Variants in MYH6 observed in about 807,000 individuals in gnomAD.
MYH6 encodes the protein myosin-6.
MYH6 carries 126 observed loss-of-function variants against 223.2 expected under a neutral mutation model. The observed-to-expected ratio is 0.56, with a 90% CI of 0.49 to 0.65. MYH6 has a LOEUF of 0.65. Ranked by LOEUF, MYH6 falls within the 30% of genes least tolerant of loss-of-function variation. MYH6 has a pLI of 0.00. For synonymous variants in MYH6, 978 were observed against 1,010.2 expected, an observed-to-expected ratio of 0.97 and a Z score of 0.61; for missense variants, 2,040 against 2,536.4, an observed-to-expected ratio of 0.80 and a Z score of 4.20.
rs773592924 is a variant in MYH6, at chr14:23,403,692, G to T, written c.799+23C>A. ...AAGGCAGAGGGGGACCTAGAGGGTG[G>T]CAGCCTCCCTGCTGGTACTCACAGG... On this transcript the variant is annotated intron_variant, in intron 9 of 38. Coordinates refer to ENST00000405093, the MANE Select transcript of MYH6 (RefSeq NM_002471.4). 4 of 1,604,678 alleles carry T rather than the reference G, an allele frequency of 2.5e-6. No individual in the cohort carries two copies. The Admixed American group carries it at 6.7e-5, about 27-fold the overall frequency.
At chr14:23,400,112 A>C in intron 14 of MYH6, 144 bp downstream of exon 14, 1 of 1,270,804 alleles carries the variant, frequency 7.9e-7, no homozygotes, top group East Asian at 2.5e-5. Flanking sequence ...GTTCATGCCC[A>C]TGACTTCACA....
chr14:23,396,998 G>T lies in MYH6; in HGVS notation c.2133C>A (p.Phe711Leu), dbSNP rs1891416861. 1.9e-6 allele frequency: 3 copies of T among 1,613,604 alleles called. No individual in the cohort carries two copies. Among genetic ancestry groups the T allele is most frequent in the African/African-American group, 2.7e-5 (2 of 75,030 alleles). ...AGTCCCCGTAGAGGATGCGGTTGGGGAAGCCCTTCCTGCAGATGCGGATGC... is the reference window on the plus strand; with the variant it reads ...AGTCCCCGTAGAGGATGCGGTTGGGTAAGCCCTTCCTGCAGATGCGGATGC... ...LEGIRICRKG[F>L]PNRILYGDFR... is the part of the protein sequence containing the mutation. Residue 711 changes from phenylalanine (F) to leucine (L), a missense_variant, in exon 18 of 39, where the codon TTC (phenylalanine) becomes TTA (leucine). Coordinates refer to ENST00000405093, the MANE Select transcript of MYH6 (RefSeq NM_002471.4).
intron 12 of MYH6, among the ~76,000 whole-genome samples, chr14:23,401,570 G>A (rs974690276): frequency 6.6e-6 from 1 of 152,228 alleles, no homozygotes; most frequent in Non-Finnish European, 1.5e-5. Flanking sequence ...TCTTTCACAA[G>A]CACTGCTGTG....
intron 30 of MYH6, 106 bp downstream of exon 30, chr14:23,388,049 C>T (rs1891091910): frequency 8.1e-6 from 13 of 1,595,896 alleles, no homozygotes; most frequent in East Asian, 2.2e-5. Flanking sequence ...CGAGCCTGGG[C>T]TTAGCCCTCC....
chr14:23,388,266 C>A lies in MYH6; in HGVS notation c.4248G>T (p.Leu1416=). ...VEAVNAKCSS[L]EKTKHRLQNE... ...TCTGTAGCCGGTGCTTGGTCTTCTC[C>A]AGTGAGGAGCACTTGGCATTAACAG... is the stretch of plus-strand genomic sequence containing the variant. Residue 1416 remains leucine, a synonymous_variant, in exon 30 of 39, where the codon CTG becomes CTT. Coordinates refer to ENST00000405093, the MANE Select transcript of MYH6 (RefSeq NM_002471.4). The A allele has an allele frequency of 6.2e-7, 1 of 1,613,118 alleles. No homozygotes were observed. The highest frequency in any genetic ancestry group is 1.7e-5 in the Admixed American group (1 of 60,030).
intron 15 of MYH6, among the ~76,000 whole-genome samples, chr14:23,397,956 T>TTCTTCC (rs1891467173): frequency 9.3e-6 from 1 of 106,956 alleles, no homozygotes; most frequent in South Asian, 3.6e-4. Context: ...CTTCTTCTTC[T>TTCTTCC]TCTTCTTCTT....
rs2138584230 is a variant in MYH6 at position 23,386,046 on chromosome 14, A to G, written c.5045T>C (p.Leu1682Pro). ...CAGCTCCTCCAGCTCAGCCTGCAGC[A>G]GGTTGTTGCGCCGCTCCACGATGGC... ...NIAIVERRNN[L>P]LQAELEELRA... Residue 1682 changes from leucine to proline, a missense_variant, in exon 34 of 39, where the codon CTG (leucine) becomes CCG (proline). Physicochemically the swap from Leu to Pro is moderately conservative, Grantham distance 98. Around this residue, in one of 4 missense-constraint regions of MYH6, gnomAD observed 1,203 missense variants for 1,400.2 expected, o/e 0.86. Coordinates refer to ENST00000405093, the MANE Select transcript of MYH6 (RefSeq NM_002471.4). The G allele has an allele frequency of 6.2e-7, 1 of 1,614,158 alleles. No individual in the cohort carries two copies. Among genetic ancestry groups the G allele is most frequent in the Non-Finnish European group, 8.5e-7 (1 of 1,180,018 alleles).
At position 23,405,528 on chromosome 14, in the gene MYH6, C is replaced by T. The variant is rs1891756910; in HGVS notation, c.345+99G>A. ...TGGAGGGGGGAAGGGGACTTGGGTC[C>T]CTTGGGAGTCTCTCCCCCTCTTCTT... is the stretch of plus-strand genomic sequence containing the variant. On this transcript the variant is annotated intron_variant, in intron 4 of 38. Coordinates refer to ENST00000405093, the MANE Select transcript of MYH6 (RefSeq NM_002471.4). This position sits in a 1 kb window ranked among gnomAD's most constrained non-coding sequence, Gnocchi z 4.7. The T allele has an allele frequency of 1.3e-5, 21 of 1,599,360 alleles. No individual in the cohort carries two copies. The highest frequency in any genetic ancestry group is 1.8e-4 in the Middle Eastern group (1 of 5,678).
rs138094708 is a variant in MYH6 at position 23,382,757 on chromosome 14, C to T, written c.5662-195G>A. Among the ~76,000 whole-genome samples the T allele has an allele frequency of 7.9e-3, 1,204 of 152,310 alleles. 6 individuals are homozygous for T. Among genetic ancestry groups the T allele is most frequent in the Non-Finnish European group, 8.5e-3 (575 of 68,024 alleles). On this transcript the variant is annotated intron_variant, in intron 37 of 38. Transcript: ENST00000405093. ...CATGTCCAGCACTCAGAGTCCTTCA[C>T]GGCCATCCACTGCCCCAGACAAATC...
In MYH6 at chr14:23,396,425, A is replaced by T. The variant is rs764242322; in HGVS notation, c.2293-5T>A. ...CAGCCCTGCCTTGAAGAACACCTGC[A>T]GGCAAGGGGTAGATGCAACAGGCCG... On this transcript the variant is annotated splice_polypyrimidine_tract_variant and splice_region_variant and intron_variant, in intron 19 of 38. Transcript: ENST00000405093. The T allele has an allele frequency of 3.1e-6, 5 of 1,613,622 alleles. No individual in the cohort carries two copies. The Admixed American group carries it at 8.3e-5, about 27-fold the overall frequency.
Position 23,389,422 on chromosome 14 carries a change from G to A in MYH6, c.3949C>T (p.Leu1317Phe), listed in dbSNP as rs866414627. Residue 1317 changes from leucine to phenylalanine, a missense_variant, in exon 28 of 39, where the codon CTC becomes TTC. Transcript: ENST00000405093. ...CCCTCCTCCTCCAGCTGCCTTTTGAGGTCCTCCATTTGCTGGGTATAAGAG... is the reference window on the plus strand; with the variant it reads ...CCCTCCTCCTCCAGCTGCCTTTTGAAGTCCTCCATTTGCTGGGTATAAGAG... ...KLSYTQQMEDLKRQLEEEGKA... is the reference protein window; with the variant it reads ...KLSYTQQMEDFKRQLEEEGKA... The A allele has an allele frequency of 6.2e-7, 1 of 1,614,018 alleles. No individual in the cohort carries two copies. Among genetic ancestry groups the A allele is most frequent in the African/African-American group, 1.3e-5 (1 of 74,898 alleles).
At chr14:23,403,318 C>T (rs745563985) in intron 10 of MYH6, 30 bp downstream of exon 10, 4 of 1,574,028 alleles carry the variant, frequency 2.5e-6, no homozygotes, top group Admixed American at 3.3e-5. Context: ...GCAGGGACAG[C>T]AGTGGGTGGG....
At chr14:23,387,959 G>A (rs368788135) in intron 30 of MYH6, 36 bp from the exon 31 acceptor site, 50 of 1,611,148 alleles carry the variant, frequency 3.1e-5, no homozygotes, top group Non-Finnish European at 3.9e-5. Flanking sequence ...CAGCCCCCCA[G>A]CCTTAGCTCC....
At position 23,390,342 on chromosome 14, in the gene MYH6, G is replaced by C. The variant is rs564367705; in HGVS notation, c.3447C>G (p.Ser1149Arg). The C allele has an allele frequency of 4.6e-5, 74 of 1,608,252 alleles. No homozygotes were observed. Among genetic ancestry groups the C allele is most frequent in the Non-Finnish European group, 3.9e-5 (46 of 1,179,364 alleles). ...CCCCGCCGGCCTCTTCCAGCCGCTC[G>C]CTGATCTCCTCCAGCTCCCGAGACA... ...SDLSRELEEISERLEEAGGAT... is the reference protein window; with the variant it reads ...SDLSRELEEIRERLEEAGGAT... Residue 1149 changes from serine to arginine, a missense_variant, in exon 26 of 39, where the codon AGC becomes AGG. This residue lies in a region of MYH6 where 1,203 missense variants were observed against 1,400.2 expected (regional missense o/e 0.86). Coordinates refer to ENST00000405093, the MANE Select transcript of MYH6 (RefSeq NM_002471.4).
At chr14:23,402,363 C>T (rs1042098597) in intron 12 of MYH6, 101 bp downstream of exon 12, 1 of 1,563,052 alleles carries the variant, frequency 6.4e-7, no homozygotes, top group Non-Finnish European at 8.7e-7. Flanking sequence ...CACAACACAC[C>T]CCACTGCCCC....
intron 8 of MYH6, 135 bp downstream of exon 8, chr14:23,404,161 C>A: frequency 8.9e-7 from 1 of 1,129,550 alleles, no homozygotes; most frequent in Non-Finnish European, 1.3e-6. Context: ...AAAGCCTATG[C>A]TCTCTTCCCA....
chr14:23,386,287 C>T (rs772321576), intron 33 of MYH6, 28 bp downstream of exon 33: 8 of 1,613,912 alleles, frequency 5.0e-6, no homozygotes, highest in Non-Finnish European at 5.1e-6. Flanking sequence ...AGGCCAGTCC[C>T]CTGAGGGGAC....
In MYH6 at chr14:23,405,371, C is replaced by G. The variant is rs373427673; in HGVS notation, c.354G>C (p.Ser118=). 4 of 1,614,072 alleles carry G rather than the reference C, an allele frequency of 2.5e-6. No individual in the cohort carries two copies. Among genetic ancestry groups the G allele is most frequent in the Non-Finnish European group, 3.4e-6 (4 of 1,179,984 alleles). The change falls in exon 5 of 39, where the codon TCG becomes TCC. Residue 118 remains serine, a synonymous_variant. Transcript: ENST00000405093. This position sits in a 1 kb window ranked among gnomAD's most constrained non-coding sequence, Gnocchi z 4.7. ...GGTTGACAGTGACACAGAAGAGGCCCGAGTAGGTCTGGAGCAGGAGACAAG... is the reference window on the plus strand; with the variant it reads ...GGTTGACAGTGACACAGAAGAGGCCGGAGTAGGTCTGGAGCAGGAGACAAG... ...RYAAWMIYTY[S]GLFCVTVNPY...
chr14:23,405,008 C>T lies in MYH6; in HGVS notation c.530+92G>A, dbSNP rs567870260. ...CAGTGCCCCATGCTCCCTGCAATCC[C>T]AGCCTTAAACCTCTCCTCCCAACTA... On this transcript the variant is annotated intron_variant, in intron 6 of 38. Coordinates refer to ENST00000405093, the MANE Select transcript of MYH6 (RefSeq NM_002471.4). The surrounding 1 kb of genome is among the most constrained non-coding windows in gnomAD (Gnocchi z 4.7). 1.3e-6 allele frequency: 2 copies of T among 1,593,870 alleles called. No homozygotes were observed. The highest frequency in any genetic ancestry group is 4.5e-5 in the East Asian group (2 of 44,744).
Sources: gnomAD v4.1 joint callset for allele counts (sites outside exome capture counted in the v4.1 genomes callset) on GRCh38, gnomAD v4.1.1 for gene constraint, gnomAD v4.1.1 regional missense constraint, Gnocchi (gnomAD v3.1) non-coding constraint, MANE v1.5 for transcripts, NCBI Gene and HGNC (gene_info 2026-07-23, HGNC 2026-07-21) for gene names.